METRNL: variants seen among roughly 807,000 people sequenced by gnomAD.
METRNL encodes meteorin like, glial cell differentiation regulator, also known as meteorin-like protein.
A neutral mutation model predicts 17.4 loss-of-function variants in METRNL; 9 were observed. That is an observed-to-expected ratio of 0.52 (90% CI 0.31 to 0.90). METRNL has a LOEUF of 0.90. METRNL is among the 40% of genes least tolerant of loss of function. The probability of loss-of-function intolerance (pLI) is 0.05; values close to 1 mark genes in which losing one functional copy is unlikely to be tolerated. For missense variants in METRNL, 408 were observed against 430.7 expected (o/e 0.95, Z 0.47); for synonymous variants, 215 against 199.3 (o/e 1.08, Z -0.66).
intron 2 of METRNL, among the ~76,000 whole-genome samples, chr17:83,088,507 TG>T (rs1306582909): frequency 6.6e-6 from 1 of 152,102 alleles, no homozygotes; most frequent in Non-Finnish European, 1.5e-5. Context: ...CATCTGTGCT[TG>T]GGGTTTGGGG....
chr17:83,092,089 G>A (rs903434613), intron 2 of METRNL, among the ~76,000 whole-genome samples: 49 of 152,212 alleles, frequency 3.2e-4, no homozygotes, highest in Non-Finnish European at 1.8e-4. Context: ...ATTCTGAGAA[G>A]CCTCCGTGCT....
Position 83,093,225 on chromosome 17 carries a change from C to T in METRNL, c.615C>T (p.Phe205=), listed in dbSNP as rs756121062. ...EVLLAVCTSD[F]AVRGSIQQVT... ...TCCTAGCCGTCTGCACCAGCGACTT[C>T]GGTGAGTGTCTCCTCGGCAGCTTCT... Residue 205 remains phenylalanine (F), a splice_region_variant and synonymous_variant, in exon 3 of 4, where the codon TTC becomes TTT. Transcript: ENST00000320095. 1.2e-5 allele frequency: 19 copies of T among 1,607,146 alleles called. No individual in the cohort carries two copies. The highest frequency in any genetic ancestry group is 1.6e-4 in the Middle Eastern group (1 of 6,080).
rs569641006 is a variant in METRNL, at chr17:83,090,733, G to A, written c.557-2434G>A. 1.2e-4 allele frequency among the ~76,000 whole-genome samples: 18 copies of A among 151,802 alleles called. No individual in the cohort carries two copies. The South Asian group carries it at 2.5e-3, about 21-fold the overall frequency. On this transcript the variant is annotated intron_variant, in intron 2 of 3. Coordinates refer to ENST00000320095, the MANE Select transcript of METRNL (RefSeq NM_001004431.3). ...GAGGCCACCTCCACTCACATGAGGC[G>A]CCCTGGGCTGGGACCTCTGGCCCTG...
chr17:83,094,311 C>T lies in METRNL; in HGVS notation c.672C>T (p.Ala224=). ...VTHEPERQDS[A]IHLRVSRLYR... The stretch of plus-strand genomic sequence containing the variant: ...ACGAGCCTGAGCGGCAGGACTCAGC[C>T]ATCCACCTGCGCGTGAGCAGACTCT... The change falls in exon 4 of 4, where the codon GCC becomes GCT. Residue 224 remains alanine, a synonymous_variant. Coordinates refer to ENST00000320095, the MANE Select transcript of METRNL (RefSeq NM_001004431.3). 2.5e-6 allele frequency: 4 copies of T among 1,598,452 alleles called. No homozygotes were observed. Among genetic ancestry groups the T allele is most frequent in the Non-Finnish European group, 3.4e-6 (4 of 1,168,810 alleles).
chr17:83,087,313 G>C (rs768071158), intron 2 of METRNL, among the ~76,000 whole-genome samples: 1 of 152,068 alleles, frequency 6.6e-6, no homozygotes, highest in East Asian at 1.9e-4. Flanking sequence ...TTGCTTATCC[G>C]AGGAAGCAGA....
chr17:83,088,192 G>A lies in METRNL; in HGVS notation c.556+2869G>A, dbSNP rs374123926. On this transcript the variant is annotated intron_variant, in intron 2 of 3. Coordinates refer to ENST00000320095, the MANE Select transcript of METRNL (RefSeq NM_001004431.3). ...CCCTGCACCAGCCGCCTCTGCAGGC[G>A]ACACGGACGCCTTCCTTGGATGCTG... Among the ~76,000 whole-genome samples the A allele has an allele frequency of 1.5e-3, 235 of 152,330 alleles. 2 individuals are homozygous for A. The highest frequency in any genetic ancestry group is 4.3e-3 in the African/African-American group (180 of 41,574).
At chr17:83,081,499 G>C (rs1050905667) in intron 1 of METRNL, among the ~76,000 whole-genome samples, 134 of 152,296 alleles carry the variant, frequency 8.8e-4, no homozygotes, top group African/African-American at 3.0e-3. Context: ...GAGGGTGGCG[G>C]GGAGGCCACC....
Position 83,085,032 on chromosome 17 carries a change from CTCA to C in METRNL, c.268_270del (p.Ile90del). ...GGAGTGGATGTACCCAACAGGTGCTCTCATCGTTAACCTGCGGCCCAACACCTT... is the reference window on the plus strand; with the variant it reads ...GGAGTGGATGTACCCAACAGGTGCTCTCGTTAACCTGCGGCCCAACACCTT... On this transcript the variant is annotated inframe_deletion, in exon 2 of 4. Transcript: ENST00000320095. 1 of 1,613,896 alleles carries C rather than the reference CTCA, an allele frequency of 6.2e-7. No homozygotes were observed. Among genetic ancestry groups the C allele is most frequent in the Non-Finnish European group, 8.5e-7 (1 of 1,180,016 alleles).
rs984657300 is a variant in METRNL, at chr17:83,094,377, T to C, written c.738T>C (p.Gly246=). Residue 246 remains glycine (G), a synonymous_variant, in exon 4 of 4, where the codon GGT becomes GGC. Coordinates refer to ENST00000320095, the MANE Select transcript of METRNL (RefSeq NM_001004431.3). Reference sequence around the variant, plus strand: ...GGGTCTTCGAGCCGGTGCCCGAGGGTGACGGCCACTGGCAGGGGCGCGTCA... The same window carrying C: ...GGGTCTTCGAGCCGGTGCCCGAGGGCGACGGCCACTGGCAGGGGCGCGTCA... ...KSRVFEPVPE[G]DGHWQGRVRT... is the part of the protein sequence containing the mutation. The C allele has an allele frequency of 1.6e-5, 26 of 1,610,470 alleles. No individual in the cohort carries two copies. The African/African-American group carries it at 3.3e-4, about 21-fold the overall frequency.
At chr17:83,094,052 C>T (rs986215893) in intron 3 of METRNL, among the ~76,000 whole-genome samples, 2 of 152,216 alleles carry the variant, frequency 1.3e-5, no homozygotes, top group Admixed American at 6.5e-5. Flanking sequence ...TGTTCTCTGA[C>T]GATGTCTAAG....
At chr17:83,093,079 T>C in intron 2 of METRNL, 88 bp from the exon 3 acceptor site, 1 of 1,123,748 alleles carries the variant, frequency 8.9e-7, no homozygotes. Context: ...TTGGCTTTGC[T>C]GAGTGTGAGG....
chr17:83,081,822 G>T (rs1475737421), intron 1 of METRNL, among the ~76,000 whole-genome samples: 3 of 151,998 alleles, frequency 2.0e-5, no homozygotes, highest in Admixed American at 6.6e-5. Flanking sequence ...CTTTTGTTGT[G>T]GTCACTGCCC....
At chr17:83,088,728 C>A (rs979594856) in intron 2 of METRNL, among the ~76,000 whole-genome samples, 3 of 152,020 alleles carry the variant, frequency 2.0e-5, no homozygotes, top group Non-Finnish European at 4.4e-5. Flanking sequence ...AAAATCCTGC[C>A]CCTGGCTGAG....
chr17:83,094,252 A>G lies in METRNL; in HGVS notation c.617-4A>G. Reference sequence around the variant, plus strand: ...TCCCTGTCCCCATCTCCTTCCCCGCACAGCCGTTCGAGGCTCCATCCAGCA... The same window carrying G: ...TCCCTGTCCCCATCTCCTTCCCCGCGCAGCCGTTCGAGGCTCCATCCAGCA... On this transcript the variant is annotated splice_region_variant and splice_polypyrimidine_tract_variant and intron_variant, in intron 3 of 3. Coordinates refer to ENST00000320095, the MANE Select transcript of METRNL (RefSeq NM_001004431.3). 6.4e-7 allele frequency: 1 copy of G among 1,559,172 alleles called. No individual in the cohort carries two copies. The highest frequency in any genetic ancestry group is 1.2e-5 in the South Asian group (1 of 84,260).
At chr17:83,082,177 T>C (rs2037997687) in intron 1 of METRNL, 1 of 985,338 alleles carries the variant, frequency 1.0e-6, no homozygotes, top group Non-Finnish European at 1.2e-6. Flanking sequence ...CTTTCCCACT[T>C]GCTGTCAGCC....
At chr17:83,086,584 A>G (rs2038055196) in intron 2 of METRNL, among the ~76,000 whole-genome samples, 1 of 152,240 alleles carries the variant, frequency 6.6e-6, no homozygotes, top group African/African-American at 2.4e-5. Context: ...CTCCAAGTTC[A>G]GTCTTTCTAA....
chr17:83,089,112 A>G (rs1380073096), intron 2 of METRNL, among the ~76,000 whole-genome samples: 3 of 152,098 alleles, frequency 2.0e-5, no homozygotes, highest in African/African-American at 7.2e-5. Context: ...CACCCCAGCA[A>G]TGGACTGCAG....
intron 1 of METRNL, chr17:83,084,100 T>C (rs976398066): frequency 7.2e-5 from 11 of 152,250 alleles, no homozygotes; most frequent in Admixed American, 6.5e-5. Flanking sequence ...GAGGGTGAAC[T>C]TAGCTTGCTA....
At chr17:83,081,412 T>C (rs990578320) in intron 1 of METRNL, among the ~76,000 whole-genome samples, 1 of 152,074 alleles carries the variant, frequency 6.6e-6, no homozygotes, top group Non-Finnish European at 1.5e-5. Context: ...GGCGCCCTTT[T>C]CAGGGTGTCA....
Sources: gnomAD v4.1 joint callset for allele counts (sites outside exome capture counted in the v4.1 genomes callset) on GRCh38, gnomAD v4.1.1 for gene constraint, MANE v1.5 for transcripts, NCBI Gene and HGNC (gene_info 2026-07-23, HGNC 2026-07-21) for gene names.